The following PARD3 variants were observed in gnomAD, a reference collection of about 807,000 sequenced individuals.
PARD3 encodes par-3 family cell polarity regulator, also known as partitioning defective 3 homolog.
PARD3 carries 75 observed loss-of-function variants against 155.4 expected under a neutral mutation model. The ratio of observed to expected loss-of-function variants is 0.48; its 90% CI spans 0.40 to 0.58. The LOEUF is 0.58. PARD3 is among the 20% of genes least tolerant of loss of function. PARD3 has a pLI of 0.00. For missense variants in PARD3, 1,642 were observed against 1,721.7 expected, an observed-to-expected ratio of 0.95 and a Z score of 0.82; for synonymous variants, 576 against 610.5, an observed-to-expected ratio of 0.94 and a Z score of 0.83.
chr10:34,512,586 C>T (rs1564795854), intron 3 of PARD3, among the ~76,000 whole-genome samples: 2 of 152,132 alleles, frequency 1.3e-5, no homozygotes, highest in African/African-American at 4.8e-5. Context: ...ATGCTATTTC[C>T]AGAGCATAGT....
At chr10:34,681,374 G>C (rs946098891) in intron 2 of PARD3, among the ~76,000 whole-genome samples, 42 of 151,966 alleles carry the variant, frequency 2.8e-4, no homozygotes, top group Non-Finnish European at 8.8e-5. Context: ...ACTAAAGGTA[G>C]AAAGAATATT....
At chr10:34,267,338 C>T (rs1307427087) in intron 22 of PARD3, among the ~76,000 whole-genome samples, 1 of 152,148 alleles carries the variant, frequency 6.6e-6, no homozygotes, top group Non-Finnish European at 1.5e-5. Context: ...TGGATCCTGA[C>T]ATATCTGTGG....
intron 20 of PARD3, among the ~76,000 whole-genome samples, chr10:34,294,696 G>A (rs1956827066): frequency 1.3e-5 from 2 of 152,084 alleles, no homozygotes; most frequent in Admixed American, 1.3e-4. Context: ...CCCAATAAAG[G>A]GCTCTGTGGA....
chr10:34,332,214 T>TA (rs1294577230), intron 18 of PARD3, among the ~76,000 whole-genome samples: 1 of 152,156 alleles, frequency 6.6e-6, no homozygotes, highest in African/African-American at 2.4e-5. Context: ...GGACCCAAGA[T>TA]AATACCAATA....
intron 16 of PARD3, among the ~76,000 whole-genome samples, chr10:34,337,950 C>T (rs1474408704): frequency 2.6e-5 from 4 of 152,230 alleles, no homozygotes; most frequent in African/African-American, 9.6e-5. Flanking sequence ...TGCAGTTTCT[C>T]TGAAATATTA....
At chr10:34,447,593 T>TAGATCA (rs1205171592) in intron 5 of PARD3, among the ~76,000 whole-genome samples, 1 of 132,576 alleles carries the variant, frequency 7.5e-6, no homozygotes, top group Non-Finnish European at 1.6e-5. Context: ...ATGAGGTCAA[T>TAGATCA]AGATCAAGAC....
chr10:34,179,118 C>T (rs1950156825), intron 22 of PARD3, among the ~76,000 whole-genome samples: 1 of 152,200 alleles, frequency 6.6e-6, no homozygotes, highest in South Asian at 2.1e-4. Flanking sequence ...GTCCTTCTAA[C>T]ACAGAAATAG....
At chr10:34,608,003 T>C (rs2090599312) in intron 2 of PARD3, among the ~76,000 whole-genome samples, 1 of 152,208 alleles carries the variant, frequency 6.6e-6, no homozygotes, top group African/African-American at 2.4e-5. Flanking sequence ...CATTCTGCAC[T>C]GTGTCCTGCA....
intron 2 of PARD3, among the ~76,000 whole-genome samples, chr10:34,597,651 G>A (rs1011317462): frequency 1.3e-5 from 2 of 152,110 alleles, no homozygotes; most frequent in Non-Finnish European, 1.5e-5. Context: ...TTGTTTCCAA[G>A]AAAAACAATT....
intron 21 of PARD3, among the ~76,000 whole-genome samples, chr10:34,279,353 G>A (rs899020651): frequency 1.3e-5 from 2 of 151,552 alleles, no homozygotes; most frequent in Non-Finnish European, 2.9e-5. Flanking sequence ...GTTCTACAAA[G>A]CAGGTTAACA....
intron 4 of PARD3, among the ~76,000 whole-genome samples, chr10:34,454,839 T>A (rs549236326): frequency 2.0e-5 from 3 of 152,280 alleles, no homozygotes. Context: ...GGCTGGGAAA[T>A]GCATATTAAT....
At chr10:34,744,912 A>T (rs1277698661) in intron 1 of PARD3, among the ~76,000 whole-genome samples, 1 of 152,226 alleles carries the variant, frequency 6.6e-6, no homozygotes. Flanking sequence ...AGTGGACTGA[A>T]GGAAGTGGGT....
intron 1 of PARD3, among the ~76,000 whole-genome samples, chr10:34,793,143 G>A (rs373117739): frequency 1.1e-4 from 16 of 152,314 alleles, no homozygotes; most frequent in Middle Eastern, 6.8e-3. Flanking sequence ...CCGGGGGGCC[G>A]TCGCAGAGGC....
chr10:34,641,647 A>G (rs1043358791), intron 2 of PARD3, among the ~76,000 whole-genome samples: 2 of 152,054 alleles, frequency 1.3e-5, no homozygotes, highest in African/African-American at 4.8e-5. Flanking sequence ...TGGCCTCCGC[A>G]GGGGAGGCAA....
At position 34,738,303 on chromosome 10, in the gene PARD3, G is replaced by C. The variant is rs914982525; in HGVS notation, c.121-41884C>G. Among the ~76,000 whole-genome samples, 3 of 152,152 alleles carry C rather than the reference G, an allele frequency of 2.0e-5. No individual in the cohort carries two copies. In the East Asian group the frequency reaches 5.8e-4, roughly 29 times the overall value. ...AGCACCACTAGTCCTGGGAAAGCTG[G>C]TACTAGATCCATCTACTCAGACAGG... On this transcript the variant is annotated intron_variant, in intron 1 of 24. Coordinates refer to ENST00000374788, the MANE Select transcript of PARD3 (RefSeq NM_001184785.2).
At position 34,359,052 on chromosome 10, in the gene PARD3, T is replaced by G. The variant is rs112157762; in HGVS notation, c.2067+95A>C. On this transcript the variant is annotated intron_variant, in intron 14 of 24. Transcript: ENST00000374788. ...AAAGATAATTTATGGTCTTTTGATG[T>G]AAGGTCCTGGAACCTAATACCCTTT... 1.4e-3 allele frequency: 1,088 copies of G among 785,424 alleles called. 7 individuals are homozygous for G. In the African/African-American group the frequency reaches 0.017, roughly 13 times the overall value. The allele number at this position is 785,424 out of a possible 1,614,324, so 48.7% of individuals were successfully genotyped here. A position where few individuals can be genotyped will look rare whatever the true frequency, so the allele number is the denominator to read the frequency against.
At chr10:34,464,918 C>A (rs1239128603) in intron 4 of PARD3, among the ~76,000 whole-genome samples, 1 of 152,162 alleles carries the variant, frequency 6.6e-6, no homozygotes, top group Non-Finnish European at 1.5e-5. Flanking sequence ...CCCTCAGTAT[C>A]CATGGGGGAC....
intron 1 of PARD3, among the ~76,000 whole-genome samples, chr10:34,729,351 T>C (rs1451304309): frequency 6.6e-6 from 1 of 151,818 alleles, no homozygotes; most frequent in African/African-American, 2.4e-5. Context: ...GCCAACACAG[T>C]GAAACCCCGT....
chr10:34,741,154 G>T (rs2095004526), intron 1 of PARD3, among the ~76,000 whole-genome samples: 1 of 142,860 alleles, frequency 7.0e-6, no homozygotes, highest in Admixed American at 7.0e-5. Context: ...AAAGTCAACT[G>T]CTGTGTTTTC....
Sources: allele counts gnomAD v4.1 joint callset (sites outside exome capture counted in the v4.1 genomes callset), GRCh38; gene constraint gnomAD v4.1.1; transcripts MANE v1.5; gene names NCBI Gene and HGNC (gene_info 2026-07-23, HGNC 2026-07-21).